SYNPO2: variants seen among roughly 807,000 people sequenced by gnomAD.
SYNPO2 encodes the protein synaptopodin-2.
A neutral mutation model predicts 85.0 loss-of-function variants in SYNPO2; 56 were observed. The observed-to-expected ratio is 0.66, with a 90% CI of 0.53 to 0.82. SYNPO2 has a LOEUF of 0.82. Among genes scored for constraint, SYNPO2 ranks in the 40% least tolerant of loss-of-function variants. SYNPO2 has a pLI of 0.00. For missense variants in SYNPO2, 1,575 were observed against 1,534.2 expected, an observed-to-expected ratio of 1.03 and a Z score of -0.44; for synonymous variants, 602 against 591.1, an observed-to-expected ratio of 1.02 and a Z score of -0.27.
intron 4 of SYNPO2, among the ~76,000 whole-genome samples, chr4:119,055,787 T>C (rs1270957200): frequency 6.6e-6 from 1 of 152,104 alleles, no homozygotes; most frequent in Non-Finnish European, 1.5e-5. Flanking sequence ...ATTCAACCAT[T>C]GTAAGTAAAA....
intron 1 of SYNPO2, among the ~76,000 whole-genome samples, chr4:118,867,413 G>C (rs1256579095): frequency 2.0e-5 from 3 of 151,444 alleles, no homozygotes; most frequent in African/African-American, 7.3e-5. Context: ...AATGCCAAAG[G>C]GTTTAGTTTT....
chr4:119,006,001 A>G (rs1445103286), intron 1 of SYNPO2: 3 of 152,482 alleles, frequency 2.0e-5, no homozygotes, highest in Non-Finnish European at 4.4e-5. Context: ...GAGGTGTCTG[A>G]GCTCCAGCCA....
intron 1 of SYNPO2, among the ~76,000 whole-genome samples, chr4:118,942,592 T>C (rs577086669): frequency 6.6e-6 from 1 of 152,316 alleles, no homozygotes; most frequent in South Asian, 2.1e-4. Context: ...AGCAGTATAA[T>C]GTATTACTTA....
chr4:118,867,717 G>C (rs1026957221), intron 1 of SYNPO2, among the ~76,000 whole-genome samples: 34 of 147,044 alleles, frequency 2.3e-4, no homozygotes, highest in African/African-American at 8.3e-4. Context: ...TTATATGCCA[G>C]GAGTTCCTTG....
At chr4:119,023,242 A>G (rs1737808305) in intron 1 of SYNPO2, among the ~76,000 whole-genome samples, 188 bp from the exon 2 acceptor site, 1 of 152,068 alleles carries the variant, frequency 6.6e-6, no homozygotes, top group Non-Finnish European at 1.5e-5. Flanking sequence ...ATTATGGTAC[A>G]TGATAAAGTG....
chr4:118,983,634 G>A (rs1194181577), intron 1 of SYNPO2, among the ~76,000 whole-genome samples: 1 of 152,048 alleles, frequency 6.6e-6, no homozygotes, highest in African/African-American at 2.4e-5. Context: ...AGTCTCTGTT[G>A]GCCCCACTTC....
At chr4:119,014,759 C>A (rs963636562) in intron 1 of SYNPO2, among the ~76,000 whole-genome samples, 1 of 152,068 alleles carries the variant, frequency 6.6e-6, no homozygotes, top group African/African-American at 2.4e-5. Context: ...TTAATTAAAG[C>A]CTTGAAAGTG....
intron 1 of SYNPO2, among the ~76,000 whole-genome samples, chr4:118,907,364 C>T (rs943005787): frequency 2.0e-5 from 3 of 152,144 alleles, no homozygotes; most frequent in Non-Finnish European, 4.4e-5. Context: ...ACAACTGATA[C>T]AGACCATCTT....
chr4:118,986,370 A>G (rs1736218882), intron 1 of SYNPO2, among the ~76,000 whole-genome samples: 1 of 152,240 alleles, frequency 6.6e-6, no homozygotes, highest in Non-Finnish European at 1.5e-5. Flanking sequence ...TTTATGAGCC[A>G]GAGATAGTAA....
intron 4 of SYNPO2, among the ~76,000 whole-genome samples, chr4:119,056,155 A>G (rs1352115482): frequency 1.3e-5 from 2 of 152,222 alleles, no homozygotes; most frequent in Non-Finnish European, 2.9e-5. Flanking sequence ...AGCCTCATGC[A>G]TATTGGAATG....
chr4:119,018,706 G>T (rs1560985350), intron 1 of SYNPO2, among the ~76,000 whole-genome samples: 1 of 152,064 alleles, frequency 6.6e-6, no homozygotes, highest in Admixed American at 6.6e-5. Context: ...TGGTTGATGG[G>T]TACAAAAATA....
At chr4:118,851,948 GT>G (rs892383679) in intron 1 of SYNPO2, among the ~76,000 whole-genome samples, 92 of 152,260 alleles carry the variant, frequency 6.0e-4, no homozygotes, top group African/African-American at 1.6e-3. Context: ...CTCAGCAAGA[GT>G]TTTTTTTTTC....
At position 119,030,803 on chromosome 4, in the gene SYNPO2, G is replaced by A; in HGVS notation, c.2028G>A (p.Val676=). 6.2e-7 allele frequency: 1 copy of A among 1,614,070 alleles called. No homozygotes were observed. Among genetic ancestry groups the A allele is most frequent in the Non-Finnish European group, 8.5e-7 (1 of 1,180,010 alleles). ...CTTCCCGAGATGAGAGGATCTCAGT[G>A]CCAGCAAAAAGAACAGGAATATTGC... is the stretch of plus-strand genomic sequence containing the variant. ...RIASRDERIS[V]PAKRTGILQE... is the part of the protein sequence containing the mutation. The change falls in exon 4 of 5, where the codon GTG becomes GTA. Residue 676 remains valine (V), a synonymous_variant. Transcript: ENST00000307142.
intron 1 of SYNPO2, among the ~76,000 whole-genome samples, chr4:119,022,435 A>G (rs1737755891): frequency 6.7e-6 from 1 of 149,722 alleles, no homozygotes; most frequent in Non-Finnish European, 1.5e-5. Flanking sequence ...TGGCTCAAAC[A>G]ATCCTCCCAC....
At chr4:118,904,110 A>G (rs1452958385) in intron 1 of SYNPO2, among the ~76,000 whole-genome samples, 3 of 152,192 alleles carry the variant, frequency 2.0e-5, no homozygotes, top group South Asian at 2.1e-4. Flanking sequence ...CTTTCAATAT[A>G]TTAGTCTTTG....
chr4:119,044,413 T>A (rs1050281375), intron 4 of SYNPO2, among the ~76,000 whole-genome samples: 1 of 152,198 alleles, frequency 6.6e-6, no homozygotes, highest in Non-Finnish European at 1.5e-5. Context: ...AACTTATCAC[T>A]TGGACCAGAG....
chr4:118,959,489 G>A (rs533940494), intron 1 of SYNPO2, among the ~76,000 whole-genome samples: 4 of 152,330 alleles, frequency 2.6e-5, no homozygotes, highest in South Asian at 2.1e-4. Context: ...GTGATTACCC[G>A]TGGGTTTTTC....
At chr4:118,892,577 T>C (rs1176070277) in intron 1 of SYNPO2, among the ~76,000 whole-genome samples, 2 of 152,140 alleles carry the variant, frequency 1.3e-5, no homozygotes, top group South Asian at 2.1e-4. Context: ...CAAATCACTT[T>C]GAAAAATCCT....
At chr4:119,052,921 G>A (rs977606052) in intron 4 of SYNPO2, among the ~76,000 whole-genome samples, 1 of 152,148 alleles carries the variant, frequency 6.6e-6, no homozygotes, top group Admixed American at 6.5e-5. Flanking sequence ...GAAGCAATTT[G>A]ATGGGTAAAG....
Sources: gnomAD v4.1 joint callset for allele counts (sites outside exome capture counted in the v4.1 genomes callset) on GRCh38, gnomAD v4.1.1 for gene constraint, MANE v1.5 for transcripts, NCBI Gene and HGNC (gene_info 2026-07-23, HGNC 2026-07-21) for gene names.